Variants in ANK2 observed in about 807,000 individuals in gnomAD.
The protein encoded by ANK2 is ankyrin 2, also known as ankyrin-2.
ANK2 carries 83 observed loss-of-function variants against 360.5 expected under a neutral mutation model. That is an observed-to-expected ratio of 0.23 (90% CI 0.19 to 0.28). The LOEUF (loss-of-function observed/expected upper bound fraction) is 0.28, where lower values mean the gene tolerates loss of function less well. Among genes scored for constraint, ANK2 ranks in the 10% least tolerant of loss-of-function variants. The probability of loss-of-function intolerance (pLI) is 1.00; values close to 1 mark genes in which losing one functional copy is unlikely to be tolerated. For missense variants in ANK2, 4,201 were observed against 4,795.7 expected (o/e 0.88, Z 3.66); for synonymous variants, 1,740 against 1,759.5 (o/e 0.99, Z 0.28).
At chr4:113,219,885 C>T (rs912159138) in intron 4 of ANK2, among the ~76,000 whole-genome samples, 7 of 151,988 alleles carry the variant, frequency 4.6e-5, no homozygotes, top group Non-Finnish European at 7.4e-5. Context: ...ACTAGGATAC[C>T]TTCAATCACA....
Position 113,278,569 on chromosome 4 carries a change from C to T in ANK2, c.1881+11C>T, listed in dbSNP as rs957110099. ...CATGCCACTGCCAAGGTGAGGACCACAGAAAAGGATTTACAGGCATAGGGT... is the reference window on the plus strand; with the variant it reads ...CATGCCACTGCCAAGGTGAGGACCATAGAAAAGGATTTACAGGCATAGGGT... On this transcript the variant is annotated intron_variant, in intron 17 of 45. Coordinates refer to ENST00000357077, the MANE Select transcript of ANK2 (RefSeq NM_001148.6). 2.5e-6 allele frequency: 4 copies of T among 1,612,466 alleles called. No homozygotes were observed. The African/African-American group carries it at 4.0e-5, about 16-fold the overall frequency.
At chr4:113,301,188 T>C (rs1416334929) in intron 22 of ANK2, among the ~76,000 whole-genome samples, 1 of 152,194 alleles carries the variant, frequency 6.6e-6, no homozygotes, top group South Asian at 2.1e-4. Context: ...ACAGTGTCAA[T>C]TGATGCCCTT....
intron 1 of ANK2, among the ~76,000 whole-genome samples, chr4:113,097,903 T>C (rs1581492923): frequency 8.2e-6 from 1 of 122,018 alleles, no homozygotes; most frequent in Non-Finnish European, 1.7e-5. Context: ...CACACACACA[T>C]ATATATGTAT....
At chr4:113,306,687 A>G (rs1309717832) in intron 23 of ANK2, among the ~76,000 whole-genome samples, 1 of 152,178 alleles carries the variant, frequency 6.6e-6, no homozygotes. Context: ...ATATCATTCC[A>G]CATATATATA....
At chr4:113,374,475 A>C (rs2096854501) in intron 45 of ANK2, among the ~76,000 whole-genome samples, 1 of 152,214 alleles carries the variant, frequency 6.6e-6, no homozygotes, top group Non-Finnish European at 1.5e-5. Flanking sequence ...GTTTCTTCAC[A>C]TATTATTATG....
chr4:113,165,691 G>A (rs1224719899), intron 1 of ANK2, among the ~76,000 whole-genome samples: 1 of 152,054 alleles, frequency 6.6e-6, no homozygotes, highest in Non-Finnish European at 1.5e-5. Flanking sequence ...TAGACTCTTT[G>A]GGAAGGAATA....
In ANK2 at chr4:113,288,425, G is replaced by T; in HGVS notation, c.2216G>T (p.Gly739Val). ...CCTTTAATTGTGGCCTGTCACTATG[G>T]AAATGTGAAAATGGTCAACTTTCTT... ...YTPLIVACHY[G>V]NVKMVNFLLK... The change falls in exon 20 of 46, where the codon GGA becomes GTA. Residue 739 changes from glycine (G) to valine (V), a missense_variant. By Grantham distance (109) the Gly-to-Val change is moderately radical. Coordinates refer to ENST00000357077, the MANE Select transcript of ANK2 (RefSeq NM_001148.6). The T allele has an allele frequency of 6.2e-7, 1 of 1,613,824 alleles. No individual in the cohort carries two copies. The highest frequency in any genetic ancestry group is 8.5e-7 in the Non-Finnish European group (1 of 1,179,912).
intron 1 of ANK2, among the ~76,000 whole-genome samples, chr4:113,162,561 G>T (rs1010013707): frequency 3.3e-5 from 5 of 151,988 alleles, no homozygotes; most frequent in African/African-American, 1.2e-4. Context: ...TGACTTATCA[G>T]CAGGAACCTT....
At chr4:112,998,665 A>G (rs1258151194) in intron 2 of ANK2, among the ~76,000 whole-genome samples, 3 of 152,216 alleles carry the variant, frequency 2.0e-5, no homozygotes, top group Admixed American at 6.5e-5. Flanking sequence ...TGTCATGGTT[A>G]AATAAATTTG....
chr4:113,304,872 C>T (rs917244349), intron 23 of ANK2, among the ~76,000 whole-genome samples: 2 of 151,654 alleles, frequency 1.3e-5, no homozygotes, highest in African/African-American at 4.8e-5. Flanking sequence ...CCAAAGTACA[C>T]GTGGTACCAC....
At chr4:113,204,819 C>T (rs921903945) in intron 4 of ANK2, among the ~76,000 whole-genome samples, 4 of 152,150 alleles carry the variant, frequency 2.6e-5, no homozygotes, top group African/African-American at 9.7e-5. Flanking sequence ...AAGAGCCTTC[C>T]GCAAAGCTAG....
At chr4:113,183,848 G>A (rs1359883578) in intron 2 of ANK2, among the ~76,000 whole-genome samples, 2 of 151,902 alleles carry the variant, frequency 1.3e-5, no homozygotes, top group Non-Finnish European at 2.9e-5. Flanking sequence ...GGAGAAAGTG[G>A]CAGTGAGCTA....
chr4:112,727,295 A>G, the ANK2 span, among the ~76,000 whole-genome samples: 4 of 152,092 alleles, frequency 2.6e-5, no homozygotes, highest in African/African-American at 9.7e-5. Context: ...ATCACTTGAA[A>G]ATAATATCAC....
chr4:113,273,759 T>C (rs185272125), intron 14 of ANK2, among the ~76,000 whole-genome samples: 3 of 152,364 alleles, frequency 2.0e-5, no homozygotes, highest in African/African-American at 7.2e-5. Flanking sequence ...TCCTGGAACA[T>C]GTCCTTCCTG....
the ANK2 span, among the ~76,000 whole-genome samples, chr4:112,799,334 C>G: frequency 6.6e-6 from 1 of 152,028 alleles, no homozygotes; most frequent in Admixed American, 6.6e-5. Context: ...CTGGTATGTG[C>G]CCATAAATGG....
intron 2 of ANK2, among the ~76,000 whole-genome samples, chr4:112,979,341 A>C (rs1478199654): frequency 6.6e-6 from 1 of 152,194 alleles, no homozygotes; most frequent in Non-Finnish European, 1.5e-5. Flanking sequence ...AGCAGCTTCC[A>C]AGGTGGGTAC....
At chr4:113,065,643 A>G (rs13123512) in intron 1 of ANK2, among the ~76,000 whole-genome samples, 1 of 152,204 alleles carries the variant, frequency 6.6e-6, no homozygotes, top group Non-Finnish European at 1.5e-5. Context: ...AAGAGCAATC[A>G]AAACTAGCAA....
chr4:112,815,361 G>C (rs2055558207), upstream of ANK2, among the ~76,000 whole-genome samples: 1 of 152,160 alleles, frequency 6.6e-6, no homozygotes, highest in Non-Finnish European at 1.5e-5. Context: ...AATTAAATAA[G>C]TGTAAAAGAA....
chr4:113,261,760 C>G (rs2053049808), intron 13 of ANK2, among the ~76,000 whole-genome samples: 1 of 152,012 alleles, frequency 6.6e-6, no homozygotes. Flanking sequence ...GATTCTATAT[C>G]TAACTCATCA....
Sources: gnomAD v4.1 joint callset for allele counts (sites outside exome capture counted in the v4.1 genomes callset) on GRCh38, gnomAD v4.1.1 for gene constraint, MANE v1.5 for transcripts, NCBI Gene and HGNC (gene_info 2026-07-23, HGNC 2026-07-21) for gene names.